CYFIP1: variants seen among roughly 807,000 people sequenced by gnomAD.
CYFIP1 encodes cytoplasmic FMR1 interacting protein 1.
Under a neutral mutation model 163.5 loss-of-function variants are expected in CYFIP1, and 58 were observed. The observed-to-expected ratio is 0.35, with a 90% CI of 0.29 to 0.44. The LOEUF is 0.44. Among genes scored for constraint, CYFIP1 ranks in the 20% least tolerant of loss-of-function variants. The pLI is 1.00. For missense variants in CYFIP1, 1,338 were observed against 1,653.8 expected (o/e 0.81, Z 3.31); for synonymous variants, 663 against 660.7 (o/e 1.00, Z -0.05).
rs2142238864 is a variant in CYFIP1, at chr15:22,933,786, T to C, written c.992+16A>G. Reference sequence around the variant, plus strand: ...CTGCCGAAAGCTCAAACCAGGCAGCTTTCCTCTCCTCCTACCGAGATTTAT... The same window carrying C: ...CTGCCGAAAGCTCAAACCAGGCAGCCTTCCTCTCCTCCTACCGAGATTTAT... On this transcript the variant is annotated intron_variant, in intron 10 of 30. Transcript: ENST00000617928. 5 of 1,602,530 alleles carry C rather than the reference T, an allele frequency of 3.1e-6. No homozygotes were observed. The highest frequency in any genetic ancestry group is 4.5e-5 in the East Asian group (2 of 44,810).
At chr15:22,980,213 C>G (rs150569701) in intron 1 of CYFIP1, 74 bp downstream of exon 1, 2 of 148,210 alleles carry the variant, frequency 1.3e-5, no homozygotes, top group African/African-American at 5.0e-5. Context: ...GCCGCCCTGG[C>G]CGGCCCAGGT....
intron 1 of CYFIP1, among the ~76,000 whole-genome samples, chr15:22,953,330 A>G (rs2062323380): frequency 6.6e-6 from 1 of 151,068 alleles, no homozygotes; most frequent in Admixed American, 6.6e-5. Flanking sequence ...TCCACCTCCC[A>G]AAGCTCTTTC....
intron 22 of CYFIP1, among the ~76,000 whole-genome samples, chr15:22,894,348 G>GGT (rs1163022293): frequency 1.4e-5 from 2 of 142,498 alleles, no homozygotes; most frequent in African/African-American, 5.3e-5. Flanking sequence ...GGAGTGCTGT[G>GGT]GTGTGATCTT....
chr15:22,882,424 G>A (rs148384273), intron 24 of CYFIP1, among the ~76,000 whole-genome samples: 90 of 152,336 alleles, frequency 5.9e-4, no homozygotes, highest in African/African-American at 2.1e-3. Context: ...GCTGTGCCAA[G>A]TGACCAAACT....
intron 1 of CYFIP1, among the ~76,000 whole-genome samples, chr15:22,962,951 T>A (rs2062738662): frequency 6.6e-6 from 1 of 152,160 alleles, no homozygotes; most frequent in African/African-American, 2.4e-5. Context: ...CACTTGGCTG[T>A]CATGACCTCT....
At chr15:22,937,687 C>T (rs552327739) in intron 8 of CYFIP1, among the ~76,000 whole-genome samples, 1 of 151,852 alleles carries the variant, frequency 6.6e-6, no homozygotes, top group Non-Finnish European at 1.5e-5. Context: ...CAACCTCTGC[C>T]TCCCAGGTTC....
At chr15:22,880,854 G>A (rs1353636308) in intron 25 of CYFIP1, among the ~76,000 whole-genome samples, 4 of 152,104 alleles carry the variant, frequency 2.6e-5, no homozygotes, top group Non-Finnish European at 4.4e-5. Flanking sequence ...GGGTGGGGGC[G>A]GGGACGCTCA....
At position 22,917,253 on chromosome 15, in the gene CYFIP1, A is replaced by C. The variant is rs750612513; in HGVS notation, c.1674+535T>G. ...AGAAGAGATTAAAAGCCTCCGGCAG[A>C]GATGAGGGAGAAGACCAGCCCCAGG... On this transcript the variant is annotated intron_variant, in intron 15 of 30. Transcript: ENST00000617928. The surrounding 1 kb of genome is among the most constrained non-coding windows in gnomAD (Gnocchi z 4.2). 2.1e-6 allele frequency: 3 copies of C among 1,396,348 alleles called. No homozygotes were observed. The highest frequency in any genetic ancestry group is 2.8e-6 in the Non-Finnish European group (3 of 1,082,380). 86.5% of individuals were successfully genotyped at this position (1,396,348 alleles called of 1,614,324 possible).
At chr15:22,958,545 T>C (rs916319826) in intron 1 of CYFIP1, among the ~76,000 whole-genome samples, 18 of 152,286 alleles carry the variant, frequency 1.2e-4, no homozygotes, top group Admixed American at 9.2e-4. Context: ...AGAGAGCACG[T>C]CTCCACGCCA....
chr15:22,870,824 AAC>A (rs924390712), intron 30 of CYFIP1, among the ~76,000 whole-genome samples: 3 of 152,220 alleles, frequency 2.0e-5, no homozygotes, highest in Non-Finnish European at 2.9e-5. Context: ...CCAGTCAACT[AAC>A]ACAAGTTTTA....
At chr15:22,938,738 A>G in intron 8 of CYFIP1, among the ~76,000 whole-genome samples, 1 of 151,964 alleles carries the variant, frequency 6.6e-6, no homozygotes, top group Non-Finnish European at 1.5e-5. Context: ...TTCTCTCTCT[A>G]CAAAAAATTT....
chr15:22,944,297 A>G (rs2061986159), intron 5 of CYFIP1, among the ~76,000 whole-genome samples: 1 of 151,940 alleles, frequency 6.6e-6, no homozygotes, highest in African/African-American at 2.4e-5. Context: ...ATTGTACTTG[A>G]AACTGACAGA....
intron 14 of CYFIP1, 22 bp downstream of exon 14, chr15:22,918,670 A>C: frequency 6.5e-7 from 1 of 1,549,002 alleles, no homozygotes; most frequent in Non-Finnish European, 8.7e-7. Context: ...CACAGCGGGC[A>C]CAGGGCGTGG....
rs2062522873 is a variant in CYFIP1, at chr15:22,957,635, C to CA, written c.-6-10345dup. The stretch of plus-strand genomic sequence containing the variant: ...TGGGCGACAGAGCAAGACTCCATCT[C>CA]AAAAAACAAAAAATGTTACAACTTG... On this transcript the variant is annotated intron_variant, in intron 1 of 30. Transcript: ENST00000617928. Among the ~76,000 whole-genome samples the CA allele has an allele frequency of 1.3e-5, 2 of 151,994 alleles. 1 individual carries two copies. Among genetic ancestry groups the CA allele is most frequent in the Non-Finnish European group, 2.9e-5 (2 of 67,982 alleles).
intron 21 of CYFIP1, chr15:22,904,186 T>TA (rs1306132615): frequency 1.2e-5 from 6 of 509,556 alleles, no homozygotes; most frequent in Non-Finnish European, 1.8e-5. Context: ...TGTGGCCTGC[T>TA]ACTGCCACCC....
At chr15:22,881,440 G>A (rs900808839) in intron 25 of CYFIP1, among the ~76,000 whole-genome samples, 1 of 152,038 alleles carries the variant, frequency 6.6e-6, no homozygotes, top group Non-Finnish European at 1.5e-5. Flanking sequence ...ACACCTGCCT[G>A]AGGGCCCTGC....
At chr15:22,918,328 C>G (rs1330236066) in intron 14 of CYFIP1, among the ~76,000 whole-genome samples, 4 of 152,076 alleles carry the variant, frequency 2.6e-5, no homozygotes, top group Non-Finnish European at 5.9e-5. Context: ...CCCACATGAC[C>G]AGAGCCTGGC....
chr15:22,881,848 G>A lies in CYFIP1; in HGVS notation c.2909C>T (p.Pro970Leu). 1.2e-6 allele frequency: 2 copies of A among 1,610,452 alleles called. No individual in the cohort carries two copies. Among genetic ancestry groups the A allele is most frequent in the Non-Finnish European group, 8.5e-7 (1 of 1,179,862 alleles). ...CRLPRHEYGS[P>L]GILEFFHHQL... ...GAGCTCCACACGCCCGCACTCACCAGGAGAGCCGTACTCGTGCCGGGGCAG... is the reference window on the plus strand; with the variant it reads ...GAGCTCCACACGCCCGCACTCACCAAGAGAGCCGTACTCGTGCCGGGGCAG... Residue 970 changes from proline (P) to leucine (L), a missense_variant and splice_region_variant, in exon 25 of 31, where the codon CCT becomes CTT. This residue lies in a region of CYFIP1 where 824 missense variants were observed against 995.7 expected (regional missense o/e 0.83). Coordinates refer to ENST00000617928, the MANE Select transcript of CYFIP1 (RefSeq NM_014608.6).
chr15:22,869,917 A>AC lies in CYFIP1; in HGVS notation c.*110dup, dbSNP rs2059375638. 1.0e-6 allele frequency: 1 copy of AC among 953,102 alleles called. No homozygotes were observed. Among genetic ancestry groups the AC allele is most frequent in the Non-Finnish European group, 1.4e-6 (1 of 714,146 alleles). The allele number at this position is 953,102 out of a possible 1,614,324, so 59.0% of individuals were successfully genotyped here. A position where few individuals can be genotyped will look rare whatever the true frequency, so the allele number is the denominator to read the frequency against. ...AAATTAAGTTTTTAGATCGAAAAGC[A>AC]CCCCCTTTAACAGGTACAGAGATAC... On this transcript the variant is annotated 3_prime_UTR_variant, in exon 31 of 31. Coordinates refer to ENST00000617928, the MANE Select transcript of CYFIP1 (RefSeq NM_014608.6).
Sources: gnomAD v4.1 joint callset for allele counts (sites outside exome capture counted in the v4.1 genomes callset) on GRCh38, gnomAD v4.1.1 for gene constraint, gnomAD v4.1.1 regional missense constraint, Gnocchi (gnomAD v3.1) non-coding constraint, MANE v1.5 for transcripts, NCBI Gene and HGNC (gene_info 2026-07-23, HGNC 2026-07-21) for gene names.